Variants in BTD observed in about 807,000 individuals in gnomAD.
BTD encodes the protein biocytinase.
BTD carries 13 observed loss-of-function variants against 17.7 expected under a neutral mutation model. The ratio of observed to expected loss-of-function variants is 0.74; its 90% confidence interval spans 0.48 to 1.17. The LOEUF is 1.17. Ranked by LOEUF, BTD falls within the 50% of genes most tolerant of loss-of-function variation. The probability of loss-of-function intolerance (pLI) is 0.00; values close to 1 mark genes in which losing one functional copy is unlikely to be tolerated. For missense variants in BTD, 674 were observed against 650.4 expected (o/e 1.04, Z -0.39); for synonymous variants, 240 against 245.2 (o/e 0.98, Z 0.20).
At chr3:15,629,553 T>G (rs1333237787) in intron 1 of BTD, among the ~76,000 whole-genome samples, 1 of 152,168 alleles carries the variant, frequency 6.6e-6, no homozygotes, top group Non-Finnish European at 1.5e-5. Flanking sequence ...AGATGGAATC[T>G]CACTCTGTCA....
downstream of BTD, among the ~76,000 whole-genome samples, chr3:15,653,754 A>G (rs943468127): frequency 6.6e-6 from 1 of 152,230 alleles, no homozygotes; most frequent in African/African-American, 2.4e-5. Context: ...GGGGTGTTCT[A>G]ATTCTTTAAA....
intron 3 of BTD, among the ~76,000 whole-genome samples, chr3:15,673,090 A>C (rs762287047): frequency 1.2e-4 from 19 of 152,166 alleles, no homozygotes; most frequent in Non-Finnish European, 2.8e-4. Flanking sequence ...TTTATCTCTT[A>C]ACATGCCACT....
At chr3:15,696,229 A>T in intron 3 of BTD, 1 of 1,582,038 alleles carries the variant, frequency 6.3e-7, no homozygotes, top group Admixed American at 1.8e-5. Context: ...TCGTTTCTTA[A>T]TAAGTATTCC....
chr3:15,714,502 T>G, downstream of BTD: 1 of 1,042,888 alleles, frequency 9.6e-7, no homozygotes, highest in Middle Eastern at 2.7e-4. Flanking sequence ...TCAATACCAT[T>G]CATTTGGTGG....
chr3:15,625,262 G>C (rs2065038565), intron 1 of BTD, among the ~76,000 whole-genome samples: 1 of 152,186 alleles, frequency 6.6e-6, no homozygotes, highest in African/African-American at 2.4e-5. Flanking sequence ...ACCCCACTCA[G>C]GCGGGACAGA....
intron 1 of BTD, among the ~76,000 whole-genome samples, chr3:15,631,203 C>A (rs1042462054): frequency 1.3e-5 from 2 of 152,230 alleles, no homozygotes; most frequent in Non-Finnish European, 2.9e-5. Flanking sequence ...AATGACTTAG[C>A]AGTTCCCTCA....
intron 3 of BTD, among the ~76,000 whole-genome samples, chr3:15,708,878 C>G (rs1338894045): frequency 1.3e-5 from 2 of 152,164 alleles, no homozygotes; most frequent in African/African-American, 2.4e-5. Flanking sequence ...CACACATTTT[C>G]TTCTGACATA....
Position 15,647,049 on chromosome 3 carries a change from G to A in BTD, c.*1561G>A, listed in dbSNP as rs935703493. The A allele has an allele frequency of 6.6e-6, 1 of 152,240 alleles. No homozygotes were observed. The highest frequency in any genetic ancestry group is 1.5e-5 in the Non-Finnish European group (1 of 68,066). 9.4% of individuals were successfully genotyped at this position (152,240 alleles called of 1,614,324 possible). On this transcript the variant is annotated 3_prime_UTR_variant, in exon 4 of 4. Transcript: ENST00000643237. Reference sequence around the variant, plus strand: ...GCTGACTCACTGATCCCTCGGAAAGGTCTGGGATGAGTCAAGTCTTCAGGG... The same window carrying A: ...GCTGACTCACTGATCCCTCGGAAAGATCTGGGATGAGTCAAGTCTTCAGGG...
chr3:15,686,159 G>T, intron 3 of BTD: 1 of 1,601,198 alleles, frequency 6.2e-7, no homozygotes, highest in Non-Finnish European at 8.5e-7. Context: ...TGTCACTTAA[G>T]ACTGTACTCT....
chr3:15,698,077 T>C lies in BTD; in HGVS notation c.400-11983T>C, dbSNP rs908936810. 5.3e-5 allele frequency among the ~76,000 whole-genome samples: 8 copies of C among 152,326 alleles called. No individual in the cohort carries two copies. The East Asian group carries it at 1.5e-3, about 29-fold the overall frequency. ...TGTATTTCTTTGAGCTCGGTGGTGA[T>C]ATTCCCTTTATGTGTCTATTTGAAT... On this transcript the variant is annotated intron_variant, in intron 3 of 3. Transcript: ENST00000672141.
intron 3 of BTD, among the ~76,000 whole-genome samples, chr3:15,673,750 C>G (rs890959799): frequency 6.6e-6 from 1 of 152,066 alleles, no homozygotes; most frequent in Non-Finnish European, 1.5e-5. Flanking sequence ...GCAGAGTAAA[C>G]AGCCAGAATG....
rs753880468 is a variant in BTD, at chr3:15,645,227, G to A, written c.1311G>A (p.Val437=). The change falls in exon 4 of 4, where the codon GTG becomes GTA. Residue 437 remains valine, a synonymous_variant. Transcript: ENST00000643237. ...TACATGGCACTTACTACATCCAAGT[G>A]TGTGCCCTGGTCAGGTGTGGGGGTC... ...HTVHGTYYIQ[V]CALVRCGGLG... is the part of the protein sequence containing the mutation. 6.2e-6 allele frequency: 10 copies of A among 1,614,086 alleles called. No individual in the cohort carries two copies. In the Admixed American group the frequency reaches 1.2e-4, roughly 19 times the overall value.
rs2065700828 is a variant in BTD, at chr3:15,646,632, A to ATTT, written c.*1146_*1148dup. The ATTT allele has an allele frequency of 6.6e-6, 1 of 152,228 alleles. No individual in the cohort carries two copies. The highest frequency in any genetic ancestry group is 1.5e-5 in the Non-Finnish European group (1 of 68,052). 9.4% of individuals were successfully genotyped at this position (152,228 alleles called of 1,614,324 possible). ...ATATTTCAAAGCCATTTAAAAAAGG[A>ATTT]TTTTGACTGCATGCCTAGTAGCTGT... On this transcript the variant is annotated 3_prime_UTR_variant, in exon 4 of 4. Transcript: ENST00000643237.
intron 1 of BTD, among the ~76,000 whole-genome samples, chr3:15,611,240 A>T (rs764817671): frequency 1.2e-3 from 181 of 152,298 alleles, no homozygotes; most frequent in Non-Finnish European, 1.9e-3. Flanking sequence ...AAAGCTGATG[A>T]AACTGGCAAG....
intron 1 of BTD, among the ~76,000 whole-genome samples, chr3:15,631,699 A>G (rs1025820911): frequency 6.6e-6 from 1 of 152,172 alleles, no homozygotes; most frequent in Non-Finnish European, 1.5e-5. Flanking sequence ...CAGGATGCTT[A>G]CTTCAAGATG....
At chr3:15,632,030 G>A (rs947778571) in intron 1 of BTD, among the ~76,000 whole-genome samples, 2 of 152,086 alleles carry the variant, frequency 1.3e-5, no homozygotes, top group Admixed American at 6.6e-5. Flanking sequence ...TGTCCTTGCT[G>A]TTTCTTGCAC....
At chr3:15,720,197 T>C (rs1485298703) in intron 4 of BTD, among the ~76,000 whole-genome samples, 1 of 151,876 alleles carries the variant, frequency 6.6e-6, no homozygotes, top group African/African-American at 2.4e-5. Context: ...TCCAAATGCT[T>C]ACTCTTGAAA....
intron 3 of BTD, among the ~76,000 whole-genome samples, chr3:15,659,374 A>G (rs1330787422): frequency 6.6e-6 from 1 of 152,148 alleles, no homozygotes; most frequent in Non-Finnish European, 1.5e-5. Flanking sequence ...CTTCAGTTCA[A>G]AGACTCCCAA....
At chr3:15,707,838 A>C in intron 3 of BTD, 1 of 1,481,744 alleles carries the variant, frequency 6.7e-7, no homozygotes. Flanking sequence ...CAAAGAGGAA[A>C]CACAAATTTG....
Sources: gnomAD v4.1 joint callset for allele counts (sites outside exome capture counted in the v4.1 genomes callset) on GRCh38, gnomAD v4.1.1 for gene constraint, MANE v1.5 for transcripts, NCBI Gene and HGNC (gene_info 2026-07-23, HGNC 2026-07-21) for gene names.